The following DLGAP2 variants were observed in gnomAD, a reference collection of about 807,000 sequenced individuals.
DLGAP2 encodes the protein DLG associated protein 2.
In DLGAP2, 26 loss-of-function variants were observed where a neutral mutation model predicts 100.3. The ratio of observed to expected loss-of-function variants is 0.26; its 90% CI spans 0.19 to 0.36. The LOEUF is 0.36. Ranked by LOEUF, DLGAP2 falls within the 10% of genes least tolerant of loss-of-function variation. The probability of loss-of-function intolerance (pLI) is 1.00; values close to 1 mark genes in which losing one functional copy is unlikely to be tolerated. For synonymous variants in DLGAP2, 886 were observed against 630.1 expected (o/e 1.41, Z -6.08); for missense variants, 1,858 against 1,453.2 (o/e 1.28, Z -4.53).
At chr8:1,326,563 G>T (rs1040884561) in intron 3 of DLGAP2, among the ~76,000 whole-genome samples, 3 of 151,988 alleles carry the variant, frequency 2.0e-5, no homozygotes, top group African/African-American at 4.8e-5. Context: ...GCACGCACTC[G>T]GTCTCAGTCC....
intron 2 of DLGAP2, among the ~76,000 whole-genome samples, chr8:1,210,059 C>T (rs891185724): frequency 2.0e-5 from 3 of 152,188 alleles, no homozygotes; most frequent in African/African-American, 7.2e-5. Context: ...CTTACAACCC[C>T]TGAGCCTAAG....
chr8:1,127,496 C>G (rs1432692546), intron 2 of DLGAP2, among the ~76,000 whole-genome samples: 1 of 152,170 alleles, frequency 6.6e-6, no homozygotes, highest in Non-Finnish European at 1.5e-5. Context: ...CCGGAGGGTG[C>G]TGTGGCTCCC....
intron 2 of DLGAP2, among the ~76,000 whole-genome samples, chr8:1,074,812 A>G (rs1271110301): frequency 6.6e-6 from 1 of 152,200 alleles, no homozygotes; most frequent in African/African-American, 2.4e-5. Flanking sequence ...TGCAGGTCCA[A>G]GAAAATTCAG....
At chr8:936,137 G>A (rs930972234) in intron 2 of DLGAP2, among the ~76,000 whole-genome samples, 3 of 152,098 alleles carry the variant, frequency 2.0e-5, no homozygotes, top group Admixed American at 6.5e-5. Flanking sequence ...ACCGTGTGTC[G>A]CTGAGTCACA....
At chr8:1,329,798 C>G (rs767852401) in intron 3 of DLGAP2, among the ~76,000 whole-genome samples, 6 of 152,330 alleles carry the variant, frequency 3.9e-5, no homozygotes, top group Admixed American at 1.3e-4. Context: ...GCTGTGAGCC[C>G]TATCAAACTG....
chr8:1,688,184 AT>A (rs1442881584), intron 12 of DLGAP2: 1 of 151,908 alleles, frequency 6.6e-6, no homozygotes, highest in African/African-American at 2.4e-5. Flanking sequence ...TGCCAGCTCC[AT>A]CCCGTGCCAT....
rs767210397 is a variant in DLGAP2 at position 1,669,785 on chromosome 8, G to A, written c.2202+1G>A. 3.8e-6 allele frequency: 3 copies of A among 780,808 alleles called. No homozygotes were observed. The highest frequency in any genetic ancestry group is 1.7e-5 in the African/African-American group (1 of 59,166). The allele number at this position is 780,808 out of a possible 1,614,324, so 48.4% of individuals were successfully genotyped here. The stretch of plus-strand genomic sequence containing the variant: ...GCATCAGCCATACCCAAGGTCAGAT[G>A]TAAGTACCGAAATGTGCTCCAAAGC... On this transcript the variant is annotated splice_donor_variant, in intron 10 of 14. Transcript: ENST00000637795. LOFTEE classifies it high-confidence loss of function.
At chr8:1,087,005 C>G (rs1383318594) in intron 2 of DLGAP2, among the ~76,000 whole-genome samples, 3 of 152,096 alleles carry the variant, frequency 2.0e-5, no homozygotes, top group Admixed American at 6.5e-5. Context: ...ATTTGTTAGG[C>G]CAAAAGACAA....
chr8:1,690,723 A>AC (rs1157869637), intron 12 of DLGAP2, among the ~76,000 whole-genome samples: 1 of 151,734 alleles, frequency 6.6e-6, no homozygotes, highest in East Asian at 1.9e-4. Flanking sequence ...AAAAAAAAAA[A>AC]AAAAAATTAG....
intron 3 of DLGAP2, among the ~76,000 whole-genome samples, chr8:1,312,774 T>C (rs1410717333): frequency 6.6e-6 from 1 of 152,216 alleles, no homozygotes; most frequent in East Asian, 1.9e-4. Flanking sequence ...AGTGCCCATA[T>C]GCTCACCAAT....
At chr8:1,571,978 A>G (rs868317105) in intron 6 of DLGAP2, among the ~76,000 whole-genome samples, 7 of 89,180 alleles carry the variant, frequency 7.8e-5, no homozygotes, top group South Asian at 4.2e-4. Context: ...GCGTCTGATG[A>G]GATGGAGAGG....
At chr8:975,666 G>A (rs1191616374) in intron 2 of DLGAP2, among the ~76,000 whole-genome samples, 1 of 152,148 alleles carries the variant, frequency 6.6e-6, no homozygotes, top group Non-Finnish European at 1.5e-5. Flanking sequence ...AAAAGCATTT[G>A]CCAAAACCCA....
At chr8:1,192,772 T>C (rs1180748538) in intron 2 of DLGAP2, among the ~76,000 whole-genome samples, 1 of 151,882 alleles carries the variant, frequency 6.6e-6, no homozygotes, top group Non-Finnish European at 1.5e-5. Context: ...GCTGCACCCA[T>C]TAACTCCTCA....
At chr8:1,183,110 G>A (rs17065748) in intron 2 of DLGAP2, among the ~76,000 whole-genome samples, 2 of 151,976 alleles carry the variant, frequency 1.3e-5, no homozygotes, top group Non-Finnish European at 2.9e-5. Context: ...ATTCACGTTC[G>A]ATTCCCTCGA....
chr8:917,762 G>C (rs1031406961), intron 2 of DLGAP2, among the ~76,000 whole-genome samples: 1 of 152,062 alleles, frequency 6.6e-6, no homozygotes, highest in Non-Finnish European at 1.5e-5. Context: ...TGTATTTTTA[G>C]TAGAGATTGG....
Position 965,822 on chromosome 8 carries a change from T to C in DLGAP2, c.73+57856T>C, listed in dbSNP as rs112092845. 3.4e-3 allele frequency among the ~76,000 whole-genome samples: 468 copies of C among 137,522 alleles called. 3 individuals are homozygous for C. The highest frequency in any genetic ancestry group is 0.011 in the African/African-American group (405 of 35,562). 90.2% of individuals were successfully genotyped at this position (137,522 alleles called of 152,430 possible). On this transcript the variant is annotated intron_variant, in intron 2 of 14. Coordinates refer to ENST00000637795, the MANE Select transcript of DLGAP2 (RefSeq NM_001346810.2). The stretch of plus-strand genomic sequence containing the variant: ...GCTCCTGAGTCTGACCCCTGCGCTG[T>C]ACACGGCACTGTTCATCACACACGC...
At chr8:1,314,712 C>T (rs987302867) in intron 3 of DLGAP2, among the ~76,000 whole-genome samples, 3 of 152,216 alleles carry the variant, frequency 2.0e-5, no homozygotes, top group Admixed American at 6.5e-5. Context: ...CCCTATCCGC[C>T]TCCTGCTCCG....
chr8:1,078,000 C>G (rs1178332113), intron 2 of DLGAP2, among the ~76,000 whole-genome samples: 1 of 152,196 alleles, frequency 6.6e-6, no homozygotes, highest in African/African-American at 2.4e-5. Context: ...CTGTTGCCAG[C>G]TCTACAATAT....
At chr8:1,265,071 A>C (rs1799425329) in intron 3 of DLGAP2, among the ~76,000 whole-genome samples, 1 of 152,194 alleles carries the variant, frequency 6.6e-6, no homozygotes, top group Non-Finnish European at 1.5e-5. Flanking sequence ...TAAATTACCC[A>C]GTCTCGAGTA....
Sources: allele counts gnomAD v4.1 joint callset (sites outside exome capture counted in the v4.1 genomes callset), GRCh38; gene constraint gnomAD v4.1.1; transcripts MANE v1.5; gene names NCBI Gene and HGNC (gene_info 2026-07-23, HGNC 2026-07-21).